MED13L: variants seen among roughly 807,000 people sequenced by gnomAD.
MED13L encodes the protein mediator of RNA polymerase II transcription subunit 13-like.
MED13L carries 7 observed loss-of-function variants against 220.9 expected under a neutral mutation model. The observed-to-expected ratio is 0.03, with a 90% confidence interval of 0.02 to 0.06. MED13L has a LOEUF of 0.06. MED13L is among the 10% of genes least tolerant of loss of function. The pLI is 1.00. For synonymous variants in MED13L, 1,011 were observed against 1,015.2 expected (o/e 1.00, Z 0.08); for missense variants, 1,965 against 2,760.5 (o/e 0.71, Z 6.46).
At chr12:116,005,782 C>A in intron 13 of MED13L, 87 bp downstream of exon 13, 1 of 1,545,190 alleles carries the variant, frequency 6.5e-7, no homozygotes, top group South Asian at 1.1e-5. Flanking sequence ...AAATTCAGGA[C>A]ACCAAACTAT....
chr12:116,137,584 G>A (rs998561751), intron 2 of MED13L, among the ~76,000 whole-genome samples: 3 of 152,004 alleles, frequency 2.0e-5, no homozygotes, highest in African/African-American at 7.2e-5. Flanking sequence ...TAATTTTGAA[G>A]TACTCATAAA....
chr12:116,228,183 T>G (rs2138420974), intron 2 of MED13L, among the ~76,000 whole-genome samples: 1 of 152,228 alleles, frequency 6.6e-6, no homozygotes, highest in South Asian at 2.1e-4. Flanking sequence ...TTCATGAAGA[T>G]TAGGGAAAGA....
intron 2 of MED13L, among the ~76,000 whole-genome samples, chr12:116,124,412 T>C (rs566516045): frequency 4.6e-5 from 7 of 152,312 alleles, no homozygotes; most frequent in African/African-American, 1.7e-4. Context: ...TAATGACTAT[T>C]GGTCTACCTT....
Position 116,203,802 on chromosome 12 carries a change from T to C in MED13L, c.310+33666A>G, listed in dbSNP as rs141119345. On this transcript the variant is annotated intron_variant, in intron 2 of 30. Coordinates refer to ENST00000281928, the MANE Select transcript of MED13L (RefSeq NM_015335.5). ...CGCCACTGCACTCCAGCCTGGGCAA[T>C]AGAGTGAGACTCCATCTCAAAAAAA... Among the ~76,000 whole-genome samples, 236 of 151,832 alleles carry C rather than the reference T, an allele frequency of 1.6e-3. 1 individual carries two copies. The highest frequency in any genetic ancestry group is 4.7e-3 in the African/African-American group (196 of 41,380).
At chr12:116,189,964 C>T (rs1268350973) in intron 2 of MED13L, among the ~76,000 whole-genome samples, 1 of 151,954 alleles carries the variant, frequency 6.6e-6, no homozygotes, top group Non-Finnish European at 1.5e-5. Context: ...AAATAGATTC[C>T]TTGGGATCTT....
At chr12:116,023,173 G>C (rs1880164720) in intron 4 of MED13L, among the ~76,000 whole-genome samples, 1 of 152,072 alleles carries the variant, frequency 6.6e-6, no homozygotes, top group Non-Finnish European at 1.5e-5. Context: ...GTGTGCACCT[G>C]TAGTCCTAGC....
At chr12:116,097,641 T>G (rs192980831) in intron 3 of MED13L, among the ~76,000 whole-genome samples, 91 of 152,308 alleles carry the variant, frequency 6.0e-4, no homozygotes, top group African/African-American at 2.1e-3. Context: ...GAATTGCAAT[T>G]GTGTCTTCAA....
At chr12:116,180,931 C>CTTTTTT (rs11320330) in intron 2 of MED13L, among the ~76,000 whole-genome samples, 1 of 121,124 alleles carries the variant, frequency 8.3e-6, no homozygotes, top group Non-Finnish European at 1.8e-5. Context: ...TTCTCTCTCT[C>CTTTTTT]TTTTTTTTTT....
intron 2 of MED13L, among the ~76,000 whole-genome samples, chr12:116,163,179 A>G (rs2138145298): frequency 6.6e-6 from 1 of 152,318 alleles, no homozygotes; most frequent in South Asian, 2.1e-4. Flanking sequence ...TGCCTAATAT[A>G]TTCATGAATC....
At chr12:116,163,297 G>A (rs1466724693) in intron 2 of MED13L, among the ~76,000 whole-genome samples, 3 of 151,110 alleles carry the variant, frequency 2.0e-5, no homozygotes, top group Non-Finnish European at 4.4e-5. Context: ...TCAAGTATAT[G>A]ACATTAAATA....
intron 1 of MED13L, among the ~76,000 whole-genome samples, chr12:116,239,090 C>T (rs1870370655): frequency 6.6e-6 from 1 of 151,992 alleles, no homozygotes; most frequent in African/African-American, 2.4e-5. Flanking sequence ...CCACAGCACT[C>T]CAGCCAGGGT....
intron 2 of MED13L, among the ~76,000 whole-genome samples, chr12:116,152,891 T>C (rs917379731): frequency 6.6e-6 from 1 of 152,024 alleles, no homozygotes. Context: ...CAGTATAATA[T>C]TCTATCTAGA....
intron 2 of MED13L, among the ~76,000 whole-genome samples, chr12:116,129,920 AAAGAAAGAAAG>A (rs1283115239): frequency 2.8e-5 from 4 of 144,710 alleles, no homozygotes; most frequent in African/African-American, 1.0e-4. Context: ...AAAAAAAAAA[AAAGAAAGAAAG>A]AAAGAAAGAA....
intron 1 of MED13L, among the ~76,000 whole-genome samples, chr12:116,266,030 CA>C (rs1183825029): frequency 6.6e-6 from 1 of 152,212 alleles, no homozygotes; most frequent in Non-Finnish European, 1.5e-5. Flanking sequence ...CTTTTTTCCG[CA>C]TATCAGTCTA....
At chr12:115,961,522 G>A in intron 30 of MED13L, 124 bp from the exon 31 acceptor site, 9 of 1,324,252 alleles carry the variant, frequency 6.8e-6, no homozygotes, top group Non-Finnish European at 9.5e-6. Context: ...ACTTGCCCCA[G>A]GCTCTTTCCC....
intron 19 of MED13L, among the ~76,000 whole-genome samples, chr12:115,984,585 C>T (rs753092161): frequency 2.0e-5 from 3 of 152,004 alleles, no homozygotes; most frequent in Admixed American, 1.3e-4. Flanking sequence ...AAAACTTGGA[C>T]TAGGCTCTCT....
intron 4 of MED13L, among the ~76,000 whole-genome samples, chr12:116,081,053 G>GT (rs1871209693): frequency 6.6e-6 from 1 of 152,138 alleles, no homozygotes; most frequent in Non-Finnish European, 1.5e-5. Context: ...ATTTAGTGAG[G>GT]TTTTACATTA....
At chr12:116,074,091 TAAAC>T (rs938418127) in intron 4 of MED13L, among the ~76,000 whole-genome samples, 1 of 152,190 alleles carries the variant, frequency 6.6e-6, no homozygotes, top group Non-Finnish European at 1.5e-5. Context: ...AACATACTGT[TAAAC>T]ATTAAAACTT....
chr12:116,099,399 T>C (rs578208244), intron 3 of MED13L, among the ~76,000 whole-genome samples: 10 of 152,356 alleles, frequency 6.6e-5, no homozygotes, highest in African/African-American at 1.7e-4. Flanking sequence ...ATAAAAGCAA[T>C]ACGGCACGTA....
Sources: gnomAD v4.1 joint callset for allele counts (sites outside exome capture counted in the v4.1 genomes callset) on GRCh38, gnomAD v4.1.1 for gene constraint, MANE v1.5 for transcripts, NCBI Gene and HGNC (gene_info 2026-07-23, HGNC 2026-07-21) for gene names.